PDZRN4: variants seen among roughly 807,000 people sequenced by gnomAD.
The protein encoded by PDZRN4 is PDZ domain-containing RING finger protein 4.
PDZRN4 carries 70 observed loss-of-function variants against 99.0 expected under a neutral mutation model. The ratio of observed to expected loss-of-function variants is 0.71; its 90% CI spans 0.58 to 0.86. The LOEUF is 0.86. Among genes scored for constraint, PDZRN4 ranks in the 40% least tolerant of loss-of-function variants. The probability of loss-of-function intolerance (pLI) is 0.00; values close to 1 mark genes in which losing one functional copy is unlikely to be tolerated. For synonymous variants in PDZRN4, 551 were observed against 501.6 expected, an observed-to-expected ratio of 1.10 and a Z score of -1.32; for missense variants, 1,474 against 1,331.2, an observed-to-expected ratio of 1.11 and a Z score of -1.67.
At chr12:41,216,788 T>G (rs1249557400) in intron 3 of PDZRN4, among the ~76,000 whole-genome samples, 1 of 151,962 alleles carries the variant, frequency 6.6e-6, no homozygotes, top group Non-Finnish European at 1.5e-5. Flanking sequence ...CATCCTTTCT[T>G]TTTTTTAGGA....
chr12:41,253,606 A>C lies in PDZRN4; in HGVS notation c.843+59418A>C, dbSNP rs543059887. Among the ~76,000 whole-genome samples, 106 of 152,278 alleles carry C rather than the reference A, an allele frequency of 7.0e-4. 1 individual carries two copies. The highest frequency in any genetic ancestry group is 1.2e-3 in the Non-Finnish European group (83 of 68,014). ...AGGTTCCTCAAAAAACTAAAACTAA[A>C]ACTTCCATATGATCCAGCAATTTCA... is the stretch of plus-strand genomic sequence containing the variant. On this transcript the variant is annotated intron_variant, in intron 3 of 9. Coordinates refer to ENST00000402685, the MANE Select transcript of PDZRN4 (RefSeq NM_001164595.2).
rs181747956 is a variant in PDZRN4, at chr12:41,222,954, T to A, written c.843+28766T>A. 1.9e-3 allele frequency among the ~76,000 whole-genome samples: 291 copies of A among 152,308 alleles called. 1 individual carries two copies. The highest frequency in any genetic ancestry group is 6.8e-3 in the African/African-American group (281 of 41,580). ...TTCTTACCTTGGCTAGAACTACTCA[T>A]TTTTAGTAGCTTATGTTTGGTAACC... is the stretch of plus-strand genomic sequence containing the variant. On this transcript the variant is annotated intron_variant, in intron 3 of 9. Coordinates refer to ENST00000402685, the MANE Select transcript of PDZRN4 (RefSeq NM_001164595.2).
chr12:41,312,114 A>G (rs1332749542), intron 3 of PDZRN4, among the ~76,000 whole-genome samples: 1 of 152,150 alleles, frequency 6.6e-6, no homozygotes, highest in Non-Finnish European at 1.5e-5. Flanking sequence ...AAACTTAAAT[A>G]GTATTACTTA....
At chr12:41,306,759 T>G (rs1471812444) in intron 3 of PDZRN4, among the ~76,000 whole-genome samples, 1 of 152,148 alleles carries the variant, frequency 6.6e-6, no homozygotes, top group Admixed American at 6.6e-5. Flanking sequence ...CTTCAACACT[T>G]TCACTCCCAA....
intron 3 of PDZRN4, among the ~76,000 whole-genome samples, chr12:41,227,027 G>A (rs767486174): frequency 6.6e-6 from 1 of 152,044 alleles, no homozygotes; most frequent in South Asian, 2.1e-4. Context: ...CATCTTAAAC[G>A]GATAACTTTT....
chr12:41,205,158 G>A (rs374264888), intron 3 of PDZRN4, among the ~76,000 whole-genome samples: 2 of 151,682 alleles, frequency 1.3e-5, no homozygotes, highest in Non-Finnish European at 2.9e-5. Context: ...ACATACATTT[G>A]TCCTACCAAG....
intron 5 of PDZRN4, among the ~76,000 whole-genome samples, chr12:41,529,133 G>A (rs566697662): frequency 2.4e-4 from 37 of 152,302 alleles, no homozygotes; most frequent in Middle Eastern, 6.8e-3. Flanking sequence ...TGGGGTGCTG[G>A]ATACCAGTGG....
intron 3 of PDZRN4, among the ~76,000 whole-genome samples, chr12:41,347,452 A>C (rs375430109): frequency 2.6e-5 from 4 of 152,126 alleles, no homozygotes; most frequent in East Asian, 3.9e-4. Flanking sequence ...TCTTTGGAGA[A>C]ATGTCTACTC....
At chr12:41,421,896 G>C (rs71451528) in intron 3 of PDZRN4, among the ~76,000 whole-genome samples, 1 of 152,066 alleles carries the variant, frequency 6.6e-6, no homozygotes, top group Non-Finnish European at 1.5e-5. Context: ...ATATAAAATA[G>C]ATCTCTTGAC....
chr12:41,346,409 C>T (rs2121027234), intron 3 of PDZRN4, among the ~76,000 whole-genome samples: 1 of 152,086 alleles, frequency 6.6e-6, no homozygotes, highest in Non-Finnish European at 1.5e-5. Context: ...TTGCAGTGAG[C>T]CGAGATAGCG....
intron 3 of PDZRN4, among the ~76,000 whole-genome samples, chr12:41,209,339 T>TTTTAA (rs1555216440): frequency 6.7e-6 from 1 of 150,100 alleles, no homozygotes; most frequent in South Asian, 2.1e-4. Context: ...TCTTTTTATT[T>TTTTAA]TTTTATTTAT....
chr12:41,565,532 G>A (rs188190071), intron 8 of PDZRN4, among the ~76,000 whole-genome samples: 60 of 145,416 alleles, frequency 4.1e-4, no homozygotes, highest in African/African-American at 1.4e-3. Flanking sequence ...TTTTTTTTGC[G>A]TGTGTATTTT....
At chr12:41,472,003 C>T (rs1453220156) in intron 3 of PDZRN4, among the ~76,000 whole-genome samples, 1 of 140,198 alleles carries the variant, frequency 7.1e-6, no homozygotes, top group Non-Finnish European at 1.5e-5. Context: ...TTCTATATTA[C>T]TTTTTTTTTT....
chr12:41,341,732 C>T (rs1050277792), intron 3 of PDZRN4, among the ~76,000 whole-genome samples: 1 of 151,738 alleles, frequency 6.6e-6, no homozygotes, highest in South Asian at 2.1e-4. Flanking sequence ...AGATTTTGTT[C>T]ATGGATTTAA....
intron 3 of PDZRN4, among the ~76,000 whole-genome samples, chr12:41,335,664 G>A (rs927486475): frequency 2.6e-5 from 4 of 152,064 alleles, no homozygotes; most frequent in Non-Finnish European, 5.9e-5. Context: ...AGAATGAAGA[G>A]GCTAATATTA....
intron 3 of PDZRN4, among the ~76,000 whole-genome samples, chr12:41,448,218 C>T (rs1209732592): frequency 1.3e-5 from 2 of 152,104 alleles, no homozygotes; most frequent in East Asian, 3.9e-4. Context: ...TCATTCTCTC[C>T]TAACAGCTAA....
At chr12:41,564,549 T>C (rs1294361426) in intron 8 of PDZRN4, among the ~76,000 whole-genome samples, 1 of 152,184 alleles carries the variant, frequency 6.6e-6, no homozygotes, top group Non-Finnish European at 1.5e-5. Context: ...ATAAATTACA[T>C]TGAGTAAGTG....
intron 5 of PDZRN4, among the ~76,000 whole-genome samples, chr12:41,535,745 T>A (rs1313855826): frequency 1.3e-5 from 2 of 152,156 alleles, no homozygotes; most frequent in African/African-American, 4.8e-5. Flanking sequence ...TTGGTCCCTT[T>A]TTCTCTGTCT....
intron 3 of PDZRN4, among the ~76,000 whole-genome samples, chr12:41,468,282 C>A (rs552090775): frequency 6.6e-6 from 1 of 152,160 alleles, no homozygotes; most frequent in Non-Finnish European, 1.5e-5. Context: ...TTAGATTGAG[C>A]TACTGGATCA....
Sources: gnomAD v4.1 joint callset for allele counts (sites outside exome capture counted in the v4.1 genomes callset) on GRCh38, gnomAD v4.1.1 for gene constraint, MANE v1.5 for transcripts, NCBI Gene and HGNC (gene_info 2026-07-23, HGNC 2026-07-21) for gene names.